ROR2: variants seen among roughly 807,000 people sequenced by gnomAD.
ROR2 encodes the protein tyrosine-protein kinase transmembrane receptor ROR2.
ROR2 carries 33 observed loss-of-function variants against 74.9 expected under a neutral mutation model. The ratio of observed to expected loss-of-function variants is 0.44; its 90% confidence interval spans 0.33 to 0.59. The LOEUF (loss-of-function observed/expected upper bound fraction) is 0.59. ROR2 is among the 20% of genes least tolerant of loss of function. The pLI is 0.02. For missense variants in ROR2, 1,216 were observed against 1,313.8 expected (o/e 0.93, Z 1.15); for synonymous variants, 586 against 558.7 (o/e 1.05, Z -0.69).
At chr9:91,921,507 G>A (rs553279763) in intron 1 of ROR2, among the ~76,000 whole-genome samples, 2 of 152,304 alleles carry the variant, frequency 1.3e-5, no homozygotes, top group East Asian at 3.9e-4. Flanking sequence ...CAAGCCGCAG[G>A]CCTCTTTGTG....
chr9:91,799,305 C>G (rs1302867306), intron 1 of ROR2, among the ~76,000 whole-genome samples: 5 of 152,148 alleles, frequency 3.3e-5, no homozygotes, highest in South Asian at 2.1e-4. Context: ...GAGTGGAATC[C>G]AGGGACGCTG....
chr9:91,806,789 C>T (rs1295105456), intron 1 of ROR2, among the ~76,000 whole-genome samples: 2 of 152,132 alleles, frequency 1.3e-5, no homozygotes, highest in Non-Finnish European at 2.9e-5. Context: ...CGGGGTTTCA[C>T]CGTGTTAGCC....
At chr9:91,890,247 C>T (rs1183536534) in intron 1 of ROR2, among the ~76,000 whole-genome samples, 1 of 152,168 alleles carries the variant, frequency 6.6e-6, no homozygotes, top group Non-Finnish European at 1.5e-5. Flanking sequence ...ACCTTGGGTA[C>T]GGACCCAGGC....
rs543826866 is a variant in ROR2, at chr9:91,840,703, C to T, written c.98-64885G>A. ...ACACCAACAACCAAGACAGGTGAGG[C>T]GGTGATGGCCAGAACCAAATGCCAG... On this transcript the variant is annotated intron_variant, in intron 1 of 8. Coordinates refer to ENST00000375708, the MANE Select transcript of ROR2 (RefSeq NM_004560.4). Among the ~76,000 whole-genome samples the T allele has an allele frequency of 5.9e-5, 9 of 152,282 alleles. No individual in the cohort carries two copies. The East Asian group carries it at 1.5e-3, about 26-fold the overall frequency.
At chr9:91,781,366 T>C (rs1477270405) in intron 1 of ROR2, among the ~76,000 whole-genome samples, 1 of 152,190 alleles carries the variant, frequency 6.6e-6, no homozygotes, top group African/African-American at 2.4e-5. Flanking sequence ...ATGTCACTCA[T>C]GTGTTCCACA....
intron 6 of ROR2, among the ~76,000 whole-genome samples, chr9:91,732,257 T>G (rs1160744043): frequency 6.6e-6 from 1 of 152,188 alleles, no homozygotes; most frequent in Admixed American, 6.5e-5. Flanking sequence ...GCCAATGGTT[T>G]TCCTCGGAGA....
chr9:91,758,342 C>G (rs1825822197), intron 2 of ROR2, among the ~76,000 whole-genome samples: 1 of 152,172 alleles, frequency 6.6e-6, no homozygotes, highest in Non-Finnish European at 1.5e-5. Context: ...ACATCTAACC[C>G]AGGCTGGTCA....
chr9:91,879,878 T>C (rs1830057127), intron 1 of ROR2, among the ~76,000 whole-genome samples: 1 of 152,122 alleles, frequency 6.6e-6, no homozygotes, highest in Non-Finnish European at 1.5e-5. Context: ...TCAGAGCTTT[T>C]TGCCTCTGCT....
At chr9:91,858,368 C>T (rs1441410787) in intron 1 of ROR2, among the ~76,000 whole-genome samples, 1 of 152,142 alleles carries the variant, frequency 6.6e-6, no homozygotes, top group Non-Finnish European at 1.5e-5. Flanking sequence ...CACACACGAA[C>T]GCACAAACAC....
At chr9:91,766,289 G>C (rs1440390213) in intron 2 of ROR2, among the ~76,000 whole-genome samples, 1 of 152,156 alleles carries the variant, frequency 6.6e-6, no homozygotes, top group South Asian at 2.1e-4. Flanking sequence ...AGGAAAATTG[G>C]GCTGTTCTCC....
Position 91,723,408 on chromosome 9 carries a change from G to T in ROR2, c.*254C>A. The T allele has an allele frequency of 1.8e-6, 1 of 566,558 alleles. No individual in the cohort carries two copies. Among genetic ancestry groups the T allele is most frequent in the Non-Finnish European group, 3.1e-6 (1 of 318,044 alleles). 35.1% of individuals were successfully genotyped at this position (566,558 alleles called of 1,614,324 possible). On this transcript the variant is annotated 3_prime_UTR_variant, in exon 9 of 9. Coordinates refer to ENST00000375708, the MANE Select transcript of ROR2 (RefSeq NM_004560.4). Reference sequence around the variant, plus strand: ...CCAGAATCAATGTATACAGCCCTGGGGATGACCATGTGTCCTGCTCCCCAG... The same window carrying T: ...CCAGAATCAATGTATACAGCCCTGGTGATGACCATGTGTCCTGCTCCCCAG...
intron 4 of ROR2, among the ~76,000 whole-genome samples, chr9:91,742,972 A>C (rs368854516): frequency 3.3e-5 from 5 of 152,208 alleles, no homozygotes. Flanking sequence ...CAGTATAGTC[A>C]TATGCTGTAC....
At chr9:91,799,686 T>C (rs1231501998) in intron 1 of ROR2, among the ~76,000 whole-genome samples, 1 of 152,258 alleles carries the variant, frequency 6.6e-6, no homozygotes, top group Non-Finnish European at 1.5e-5. Context: ...CTCTCCAGCT[T>C]ACTGAACTGT....
At chr9:91,841,194 G>T (rs1828772009) in intron 1 of ROR2, among the ~76,000 whole-genome samples, 1 of 152,206 alleles carries the variant, frequency 6.6e-6, no homozygotes, top group South Asian at 2.1e-4. Flanking sequence ...GGATCTGCAC[G>T]GATGACCTGG....
chr9:91,843,219 A>C (rs1037414326), intron 1 of ROR2, among the ~76,000 whole-genome samples: 10 of 152,190 alleles, frequency 6.6e-5, no homozygotes, highest in African/African-American at 9.7e-5. Flanking sequence ...CACGTACAGG[A>C]ACTAGAGGAT....
rs1836888050 is a variant in ROR2 at position 91,723,862 on chromosome 9, G to C, written c.2632C>G (p.Pro878Ala). The change falls in exon 9 of 9, where the codon CCC becomes GCC. Residue 878 changes from proline to alanine, a missense_variant. Transcript: ENST00000375708. Reference protein sequence around the residue: ...STSTGYVTTAPSNTSMADRAA... With the variant: ...STSTGYVTTAASNTSMADRAA... ...CTGTCTGCCATGGATGTGTTGGAGG[G>C]GGCCGTGGTGACGTAGCCTGTGCTG... The C allele has an allele frequency of 2.5e-6, 4 of 1,614,060 alleles. 1 individual carries two copies. The Middle Eastern group carries it at 6.6e-4, about 266-fold the overall frequency.
intron 1 of ROR2, among the ~76,000 whole-genome samples, chr9:91,919,305 AATATGGT>A: frequency 6.6e-6 from 1 of 152,348 alleles, no homozygotes; most frequent in East Asian, 1.9e-4. Flanking sequence ...TCAAACGTAA[AATATGGT>A]ATGCCTTGGA....
chr9:91,814,182 T>C (rs1459680104), intron 1 of ROR2, among the ~76,000 whole-genome samples: 1 of 152,150 alleles, frequency 6.6e-6, no homozygotes, highest in African/African-American at 2.4e-5. Context: ...AGGGACACCC[T>C]GCCTCTGAAC....
chr9:91,925,462 C>CTGTGTGTG (rs1224637296), intron 1 of ROR2, among the ~76,000 whole-genome samples: 15 of 126,160 alleles, frequency 1.2e-4, no homozygotes, highest in African/African-American at 4.6e-4. Flanking sequence ...TGTCAGCTGC[C>CTGTGTGTG]TGTATGTGTG....
Sources: allele counts gnomAD v4.1 joint callset (sites outside exome capture counted in the v4.1 genomes callset), GRCh38; gene constraint gnomAD v4.1.1; transcripts MANE v1.5; gene names NCBI Gene and HGNC (gene_info 2026-07-23, HGNC 2026-07-21).